ANKS1B: variants seen among roughly 807,000 people sequenced by gnomAD.
ANKS1B encodes the protein ankyrin repeat and sterile alpha motif domain-containing protein 1B.
In ANKS1B, 36 loss-of-function variants were observed where a neutral mutation model predicts 148.3. That is an observed-to-expected ratio of 0.24 (90% CI 0.19 to 0.32). The LOEUF (loss-of-function observed/expected upper bound fraction) is 0.32. Among genes scored for constraint, ANKS1B ranks in the 10% least tolerant of loss-of-function variants. The probability of loss-of-function intolerance (pLI) is 1.00; values close to 1 mark genes in which losing one functional copy is unlikely to be tolerated. For synonymous variants in ANKS1B, 542 were observed against 560.8 expected (o/e 0.97, Z 0.47); for missense variants, 1,157 against 1,542.6 (o/e 0.75, Z 4.19).
chr12:99,453,406 C>A (rs533804213), intron 10 of ANKS1B, among the ~76,000 whole-genome samples: 7 of 152,206 alleles, frequency 4.6e-5, no homozygotes, highest in African/African-American at 1.7e-4. Context: ...AGATCTCTTG[C>A]ACTGAGGAAA....
chr12:99,216,278 T>C (rs1369809158), intron 14 of ANKS1B, among the ~76,000 whole-genome samples: 2 of 152,310 alleles, frequency 1.3e-5, no homozygotes, highest in East Asian at 3.9e-4. Flanking sequence ...CAGTATGAAA[T>C]ACTCAGGTAT....
intron 17 of ANKS1B, among the ~76,000 whole-genome samples, chr12:98,907,126 C>T (rs1008953285): frequency 1.3e-5 from 2 of 151,462 alleles, no homozygotes; most frequent in Admixed American, 6.6e-5. Context: ...ACTATAGTTA[C>T]CATGCTATAT....
chr12:99,858,946 G>A (rs964274000), intron 1 of ANKS1B, among the ~76,000 whole-genome samples: 10 of 152,110 alleles, frequency 6.6e-5, no homozygotes, highest in African/African-American at 9.6e-5. Context: ...TGGTGGGTGC[G>A]CCAAAATCTC....
rs190459899 is a variant in ANKS1B at position 99,740,435 on chromosome 12, G to A, written c.1128+32487C>T. Among the ~76,000 whole-genome samples the A allele has an allele frequency of 3.7e-3, 569 of 152,322 alleles. 11 individuals carry two copies. The highest frequency in any genetic ancestry group is 1.4e-3 in the Non-Finnish European group (97 of 68,038). ...AATATTCCAGGAATCAGACCTGACT[G>A]CAGCATTGTTCCTGGCTTACACACA... On this transcript the variant is annotated intron_variant, in intron 8 of 26. Coordinates refer to ENST00000683438, the MANE Select transcript of ANKS1B (RefSeq NM_001352186.2).
chr12:99,601,256 G>T (rs574386312), intron 9 of ANKS1B, among the ~76,000 whole-genome samples: 4 of 152,120 alleles, frequency 2.6e-5, no homozygotes, highest in Non-Finnish European at 5.9e-5. Flanking sequence ...TGCCTACGAA[G>T]ATTTTAACAA....
At chr12:99,321,732 C>T (rs950354249) in intron 12 of ANKS1B, among the ~76,000 whole-genome samples, 1 of 152,194 alleles carries the variant, frequency 6.6e-6, no homozygotes, top group East Asian at 1.9e-4. Context: ...CCCAGTGCCT[C>T]AGATGGAAAT....
chr12:98,949,909 GA>G (rs1281016141), intron 17 of ANKS1B: 1 of 152,170 alleles, frequency 6.6e-6, no homozygotes, highest in African/African-American at 2.4e-5. Context: ...ACAATCTCAA[GA>G]GATAGCCTCT....
chr12:99,182,340 C>A (rs1407586359), intron 14 of ANKS1B, among the ~76,000 whole-genome samples: 1 of 152,150 alleles, frequency 6.6e-6, no homozygotes, highest in Non-Finnish European at 1.5e-5. Flanking sequence ...CAAACCATAT[C>A]ATCATCTTAC....
At position 99,696,402 on chromosome 12, in the gene ANKS1B, GA is replaced by G. The variant is rs1259683928; in HGVS notation, c.1129-41193del. On this transcript the variant is annotated intron_variant, in intron 8 of 26. Transcript: ENST00000683438. The stretch of plus-strand genomic sequence containing the variant: ...GAAAGAATAGACAAACATATTAGTG[GA>G]ACAGAATAAAATCCAAAAATAAACA... Among the ~76,000 whole-genome samples, 5 of 152,058 alleles carry G rather than the reference GA, an allele frequency of 3.3e-5. No homozygotes were observed. In the East Asian group the frequency reaches 9.6e-4, roughly 29 times the overall value.
chr12:99,687,802 A>G (rs1247293391), intron 8 of ANKS1B, among the ~76,000 whole-genome samples: 2 of 151,978 alleles, frequency 1.3e-5, no homozygotes, highest in African/African-American at 4.8e-5. Flanking sequence ...TGCTAAATCT[A>G]TTGTCTCTGT....
At chr12:99,580,398 A>G (rs2097559117) in intron 9 of ANKS1B, among the ~76,000 whole-genome samples, 1 of 152,216 alleles carries the variant, frequency 6.6e-6, no homozygotes, top group Non-Finnish European at 1.5e-5. Context: ...CATTTATAAT[A>G]TGTTCAAAAA....
chr12:99,358,515 A>C (rs2092219362), intron 12 of ANKS1B, among the ~76,000 whole-genome samples: 1 of 152,102 alleles, frequency 6.6e-6, no homozygotes, highest in African/African-American at 2.4e-5. Flanking sequence ...CCAAGTGGTA[A>C]GTTTAATTCA....
intron 14 of ANKS1B, among the ~76,000 whole-genome samples, chr12:99,217,128 C>G (rs1220248560): frequency 6.6e-6 from 1 of 152,124 alleles, no homozygotes; most frequent in East Asian, 1.9e-4. Flanking sequence ...GAGAGATAAG[C>G]AAATTTTTAT....
At chr12:99,263,949 A>G (rs900928777) in intron 12 of ANKS1B, among the ~76,000 whole-genome samples, 2 of 152,126 alleles carry the variant, frequency 1.3e-5, no homozygotes, top group African/African-American at 2.4e-5. Flanking sequence ...ATGACTTACT[A>G]TGGTCTTGCA....
intron 17 of ANKS1B, among the ~76,000 whole-genome samples, chr12:98,966,828 G>A (rs1286064966): frequency 7.3e-6 from 1 of 136,472 alleles, no homozygotes; most frequent in Non-Finnish European, 1.5e-5. Flanking sequence ...TCACAGGTGG[G>A]AATTGAACAA....
chr12:99,332,520 C>A (rs2087769724), intron 12 of ANKS1B, among the ~76,000 whole-genome samples: 1 of 151,744 alleles, frequency 6.6e-6, no homozygotes, highest in African/African-American at 2.4e-5. Flanking sequence ...TTAATTAGAT[C>A]ATAGATATGT....
In ANKS1B at chr12:99,064,639, C is replaced by T. The variant is rs371653116; in HGVS notation, c.2626-11330G>A. ...CAAGCCGTGTGTGAGAGCTACTAGT[C>T]AGGCACTGCTCTTTTTAGCTTCATC... On this transcript the variant is annotated intron_variant, in intron 16 of 26. Transcript: ENST00000683438. Among the ~76,000 whole-genome samples, 368 of 152,340 alleles carry T rather than the reference C, an allele frequency of 2.4e-3. 1 individual carries two copies. Among genetic ancestry groups the T allele is most frequent in the African/African-American group, 8.2e-3 (341 of 41,570 alleles).
intron 9 of ANKS1B, among the ~76,000 whole-genome samples, chr12:99,629,543 A>G (rs1567515553): frequency 6.6e-6 from 1 of 152,146 alleles, no homozygotes; most frequent in Admixed American, 6.6e-5. Flanking sequence ...ATTATTCCTC[A>G]CTACACCTCT....
chr12:99,552,516 G>A (rs980065684), intron 9 of ANKS1B, among the ~76,000 whole-genome samples: 1 of 152,292 alleles, frequency 6.6e-6, no homozygotes, highest in Middle Eastern at 3.4e-3. Context: ...GTAAAATAAT[G>A]AATAAATGAC....
Sources: allele counts gnomAD v4.1 joint callset (sites outside exome capture counted in the v4.1 genomes callset), GRCh38; gene constraint gnomAD v4.1.1; transcripts MANE v1.5; gene names NCBI Gene and HGNC (gene_info 2026-07-23, HGNC 2026-07-21).